The following MLLT3 variants were observed in gnomAD, a reference collection of about 807,000 sequenced individuals.
The protein encoded by MLLT3 is protein AF-9.
Under a neutral mutation model 53.2 loss-of-function variants are expected in MLLT3, and 4 were observed. The observed-to-expected ratio is 0.08, with a 90% CI of 0.04 to 0.17. MLLT3 has a LOEUF of 0.17. Among genes scored for constraint, MLLT3 ranks in the 10% least tolerant of loss-of-function variants. MLLT3 has a pLI of 1.00. For synonymous variants in MLLT3, 283 were observed against 230.6 expected, an observed-to-expected ratio of 1.23 and a Z score of -2.06; for missense variants, 569 against 684.0, an observed-to-expected ratio of 0.83 and a Z score of 1.87.
chr9:20,571,492 C>A (rs959555863), intron 2 of MLLT3, among the ~76,000 whole-genome samples: 2 of 152,146 alleles, frequency 1.3e-5, no homozygotes, highest in Non-Finnish European at 2.9e-5. Flanking sequence ...GCAGAACATG[C>A]AGGTTTGTTA....
rs1821007847 is a variant in MLLT3, at chr9:20,621,491, T to A, written c.13-657A>T. ...GCAGGAAAACACGCCGAGGCATCCA[T>A]AACTTAGAGCACCCCGCACCCCCCA... is the stretch of plus-strand genomic sequence containing the variant. On this transcript the variant is annotated intron_variant, in intron 1 of 10. Coordinates refer to ENST00000380338, the MANE Select transcript of MLLT3 (RefSeq NM_004529.4). This position sits in a 1 kb window ranked among gnomAD's most constrained non-coding sequence, Gnocchi z 7.0. Among the ~76,000 whole-genome samples the A allele has an allele frequency of 6.6e-6, 1 of 151,754 alleles. No homozygotes were observed. Among genetic ancestry groups the A allele is most frequent in the Non-Finnish European group, 1.5e-5 (1 of 67,934 alleles).
chr9:20,604,595 C>T (rs1306804993), intron 2 of MLLT3, among the ~76,000 whole-genome samples: 1 of 152,028 alleles, frequency 6.6e-6, no homozygotes, highest in African/African-American at 2.4e-5. Flanking sequence ...ATATAAAACA[C>T]AGCTAGCATA....
intron 10 of MLLT3, among the ~76,000 whole-genome samples, chr9:20,348,344 G>A (rs758130167): frequency 1.3e-5 from 2 of 152,146 alleles, no homozygotes; most frequent in Non-Finnish European, 2.9e-5. Flanking sequence ...TTATTTGTCA[G>A]AACTCACTGT....
chr9:20,575,341 G>T (rs541097747), intron 2 of MLLT3, among the ~76,000 whole-genome samples: 2 of 152,298 alleles, frequency 1.3e-5, no homozygotes, highest in African/African-American at 4.8e-5. Context: ...TATAGCCATA[G>T]ATAGCAGGCT....
chr9:20,520,297 T>C (rs980152455), intron 2 of MLLT3, among the ~76,000 whole-genome samples: 1 of 151,842 alleles, frequency 6.6e-6, no homozygotes, highest in Non-Finnish European at 1.5e-5. Flanking sequence ...CAAACCTCTA[T>C]GACACAAGTT....
At chr9:20,482,741 C>T (rs892131868) in intron 2 of MLLT3, among the ~76,000 whole-genome samples, 2 of 152,024 alleles carry the variant, frequency 1.3e-5, no homozygotes, top group East Asian at 3.8e-4. Context: ...GGATTGTTTT[C>T]ATTTCTTTTT....
chr9:20,594,106 A>C (rs1820193283), intron 2 of MLLT3, among the ~76,000 whole-genome samples: 1 of 151,808 alleles, frequency 6.6e-6, no homozygotes, highest in African/African-American at 2.4e-5. Context: ...ACACCTGGCT[A>C]ATTTTTTGTA....
chr9:20,555,691 C>T (rs1760161872), intron 2 of MLLT3, among the ~76,000 whole-genome samples: 1 of 152,156 alleles, frequency 6.6e-6, no homozygotes. Context: ...CTCTCAGCCA[C>T]CACCCTCCCC....
chr9:20,434,622 C>G (rs1000491746), intron 4 of MLLT3, among the ~76,000 whole-genome samples: 1 of 152,120 alleles, frequency 6.6e-6, no homozygotes, highest in Non-Finnish European at 1.5e-5. Context: ...AATCGAAATG[C>G]CATCCTGAAA....
At chr9:20,438,095 A>C (rs1429241423) in intron 4 of MLLT3, among the ~76,000 whole-genome samples, 1 of 152,226 alleles carries the variant, frequency 6.6e-6, no homozygotes, top group Non-Finnish European at 1.5e-5. Flanking sequence ...GAGTGGCAGA[A>C]TGAGAGGTCA....
Position 20,489,770 on chromosome 9 carries a change from C to T in MLLT3, c.194-32984G>A, listed in dbSNP as rs7046714. Reference sequence around the variant, plus strand: ...CTGTCGTAGCAGCTTCCTATATAAACGGCAAGCTATTTTATTTTGTGATTT... The same window carrying T: ...CTGTCGTAGCAGCTTCCTATATAAATGGCAAGCTATTTTATTTTGTGATTT... On this transcript the variant is annotated intron_variant, in intron 2 of 10. Coordinates refer to ENST00000380338, the MANE Select transcript of MLLT3 (RefSeq NM_004529.4). Among the ~76,000 whole-genome samples the T allele has an allele frequency of 1.0e-3, 153 of 152,202 alleles. 1 individual carries two copies. Among genetic ancestry groups the T allele is most frequent in the Middle Eastern group, 3.4e-3 (1 of 294 alleles).
At chr9:20,500,207 G>A (rs1441921205) in intron 2 of MLLT3, among the ~76,000 whole-genome samples, 1 of 152,206 alleles carries the variant, frequency 6.6e-6, no homozygotes, top group Non-Finnish European at 1.5e-5. Flanking sequence ...CAAGAGCGGT[G>A]CAGGGCTAGC....
intron 2 of MLLT3, chr9:20,533,327 C>A (rs1818393484): frequency 1.1e-5 from 3 of 282,290 alleles, no homozygotes; most frequent in South Asian, 4.2e-5. Context: ...AACTTGCCAC[C>A]AAACTGGGTT....
intron 2 of MLLT3, among the ~76,000 whole-genome samples, chr9:20,545,275 G>A (rs1327282780): frequency 6.6e-6 from 1 of 152,124 alleles, no homozygotes; most frequent in African/African-American, 2.4e-5. Context: ...AGTGAACCCT[G>A]AGGACACGCT....
intron 2 of MLLT3, among the ~76,000 whole-genome samples, chr9:20,598,096 C>A (rs1820323287): frequency 6.6e-6 from 1 of 152,160 alleles, no homozygotes; most frequent in Non-Finnish European, 1.5e-5. Context: ...TTCATAACAG[C>A]TTGAGCTAAA....
intron 5 of MLLT3, chr9:20,411,860 A>G (rs572451649): frequency 1.8e-4 from 27 of 152,356 alleles, no homozygotes; most frequent in Admixed American, 1.2e-3. Context: ...AGAGCTTTCA[A>G]TGATGCTTTA....
chr9:20,566,619 T>C (rs1819384498), intron 2 of MLLT3, among the ~76,000 whole-genome samples: 1 of 152,146 alleles, frequency 6.6e-6, no homozygotes, highest in Non-Finnish European at 1.5e-5. Flanking sequence ...CACCTGTGCA[T>C]CCAGTACCTG....
intron 2 of MLLT3, among the ~76,000 whole-genome samples, chr9:20,587,190 A>C (rs1819993488): frequency 6.6e-6 from 1 of 151,474 alleles, no homozygotes; most frequent in South Asian, 2.1e-4. Flanking sequence ...CTAGGCCAAA[A>C]AAAAAAAAAA....
At position 20,367,486 on chromosome 9, in the gene MLLT3, T is replaced by C. The variant is rs538558509; in HGVS notation, c.1126-1742A>G. Among the ~76,000 whole-genome samples the C allele has an allele frequency of 4.6e-5, 7 of 152,332 alleles. No homozygotes were observed. The South Asian group carries it at 1.2e-3, about 27-fold the overall frequency. ...TGACTAAAGACGGTACATTAGGCCC[T>C]GCGTTCCACCTTCTGCCACAGTTTT... is the stretch of plus-strand genomic sequence containing the variant. On this transcript the variant is annotated intron_variant, in intron 5 of 10. Coordinates refer to ENST00000380338, the MANE Select transcript of MLLT3 (RefSeq NM_004529.4).
Sources: gnomAD v4.1 joint callset for allele counts (sites outside exome capture counted in the v4.1 genomes callset) on GRCh38, gnomAD v4.1.1 for gene constraint, Gnocchi (gnomAD v3.1) non-coding constraint, MANE v1.5 for transcripts, NCBI Gene and HGNC (gene_info 2026-07-23, HGNC 2026-07-21) for gene names.